The following ALG5 variants were observed in gnomAD, a reference collection of about 807,000 sequenced individuals.
ALG5 encodes the protein dolichyl-phosphate beta-glucosyltransferase.
ALG5 carries 26 observed loss-of-function variants against 51.8 expected under a neutral mutation model. The ratio of observed to expected loss-of-function variants is 0.50; its 90% CI spans 0.37 to 0.70. The LOEUF is 0.70. Among genes scored for constraint, ALG5 ranks in the 30% least tolerant of loss-of-function variants. The pLI, the probability that ALG5 is intolerant of heterozygous loss-of-function variation, is 0.00. For synonymous variants in ALG5, 141 were observed against 136.1 expected (o/e 1.04, Z -0.25); for missense variants, 311 against 399.3 (o/e 0.78, Z 1.88).
chr13:36,978,186 TTTG>T (rs2058962882), intron 6 of ALG5, among the ~76,000 whole-genome samples: 1 of 129,708 alleles, frequency 7.7e-6, no homozygotes, highest in Non-Finnish European at 1.8e-5. Flanking sequence ...GCGCCCCACC[TTTG>T]TTTTTTTTTT....
chr13:36,967,208 G>A (rs1593665430), intron 7 of ALG5, among the ~76,000 whole-genome samples: 1 of 148,112 alleles, frequency 6.8e-6, no homozygotes, highest in East Asian at 2.0e-4. Flanking sequence ...GGGTGACAGA[G>A]TGAGACTCCA....
chr13:36,961,453 T>G (rs1282497642), intron 8 of ALG5, among the ~76,000 whole-genome samples: 2 of 152,134 alleles, frequency 1.3e-5, no homozygotes, highest in Non-Finnish European at 2.9e-5. Context: ...AGCACTTACC[T>G]TGTATGAGGT....
chr13:36,993,776 A>G, intron 3 of ALG5, 104 bp from the exon 4 acceptor site: 1 of 871,100 alleles, frequency 1.1e-6, no homozygotes, highest in South Asian at 1.5e-5. Context: ...GTGTTGATAC[A>G]TATAAATTTG....
rs751548451 is a variant in ALG5 at position 36,971,982 on chromosome 13, C to A, written c.616G>T (p.Ala206Ser). 6.2e-7 allele frequency: 1 copy of A among 1,604,572 alleles called. No individual in the cohort carries two copies. The highest frequency in any genetic ancestry group is 2.2e-5 in the East Asian group (1 of 44,534). Residue 206 changes from alanine (A) to serine (S), a missense_variant, in exon 7 of 10, where the codon GCT becomes TCT. Ala to Ser is a moderately conservative substitution (Grantham distance 99). Coordinates refer to ENST00000239891, the MANE Select transcript of ALG5 (RefSeq NM_013338.5). ...SRAHLEKESI[A>S]QRSYFRTLLM... ...GCCAATTAATGAAGTCTCACCTGAG[C>A]AATTGATTCTTTTTCTAAATGAGCT...
chr13:36,990,190 C>G (rs555002053), intron 4 of ALG5, among the ~76,000 whole-genome samples: 5 of 152,222 alleles, frequency 3.3e-5, no homozygotes, highest in Non-Finnish European at 7.3e-5. Context: ...CAAGCTACGG[C>G]CATTACTCTG....
At chr13:36,957,697 C>T (rs113082302) in intron 8 of ALG5, among the ~76,000 whole-genome samples, 13,583 of 152,160 alleles carry the variant, frequency 0.089, 1,528 homozygotes, top group African/African-American at 0.27. Flanking sequence ...ATATGAAATG[C>T]TGTATAGACA....
intron 8 of ALG5, among the ~76,000 whole-genome samples, chr13:36,962,430 C>A (rs2058871860): frequency 6.6e-6 from 1 of 152,092 alleles, no homozygotes. Context: ...ACATAATGTA[C>A]CCTAAAGAAA....
intron 8 of ALG5, 32 bp downstream of exon 8, chr13:36,965,543 A>G: frequency 6.2e-7 from 1 of 1,600,832 alleles, no homozygotes; most frequent in Non-Finnish European, 8.5e-7. Context: ...GGGTCATAAG[A>G]CAGACTGGAT....
intron 4 of ALG5, among the ~76,000 whole-genome samples, chr13:36,990,237 T>C (rs984477716): frequency 6.6e-6 from 1 of 152,212 alleles, no homozygotes; most frequent in African/African-American, 2.4e-5. Context: ...GATCTATATT[T>C]GCCACCTGCA....
intron 6 of ALG5, among the ~76,000 whole-genome samples, chr13:36,974,587 A>G (rs1464028054): frequency 6.6e-6 from 1 of 151,996 alleles, no homozygotes; most frequent in Admixed American, 6.6e-5. Context: ...TATTGTTTTT[A>G]TACTTTTTAT....
chr13:36,997,878 C>T, intron 1 of ALG5, among the ~76,000 whole-genome samples: 1 of 152,004 alleles, frequency 6.6e-6, no homozygotes, highest in East Asian at 1.9e-4. Context: ...TGATTTCTTG[C>T]TCTGGCATTT....
At chr13:36,953,936 C>A (rs1450690585) in intron 8 of ALG5, among the ~76,000 whole-genome samples, 1 of 152,014 alleles carries the variant, frequency 6.6e-6, no homozygotes, top group Non-Finnish European at 1.5e-5. Context: ...TCTAATGATA[C>A]TTGATAACCT....
chr13:36,982,170 C>T (rs532424165), intron 6 of ALG5, among the ~76,000 whole-genome samples: 81 of 152,312 alleles, frequency 5.3e-4, no homozygotes, highest in Non-Finnish European at 9.1e-4. Flanking sequence ...ACATGGAAAA[C>T]AGCTTTGACT....
At chr13:36,971,799 A>G (rs2058925169) in intron 7 of ALG5, among the ~76,000 whole-genome samples, 178 bp downstream of exon 7, 1 of 152,044 alleles carries the variant, frequency 6.6e-6, no homozygotes, top group Non-Finnish European at 1.5e-5. Context: ...AAAAAAATCA[A>G]TTCTAAAATG....
At chr13:36,976,696 C>T (rs1490362426) in intron 6 of ALG5, among the ~76,000 whole-genome samples, 2 of 151,550 alleles carry the variant, frequency 1.3e-5, no homozygotes, top group Non-Finnish European at 2.9e-5. Context: ...TGCGGTGAGC[C>T]GAGATCGCAC....
intron 3 of ALG5, among the ~76,000 whole-genome samples, chr13:36,994,033 C>G (rs1266277548): frequency 6.6e-6 from 1 of 152,110 alleles, no homozygotes; most frequent in African/African-American, 2.4e-5. Context: ...GGGCAGATTC[C>G]AGCTTGGCTG....
At chr13:36,987,558 C>T (rs970038770) in intron 5 of ALG5, among the ~76,000 whole-genome samples, 6 of 152,184 alleles carry the variant, frequency 3.9e-5, no homozygotes, top group Non-Finnish European at 5.9e-5. Context: ...CCTGCTTCCA[C>T]TTCGCTTTCT....
intron 8 of ALG5, among the ~76,000 whole-genome samples, chr13:36,960,502 A>G (rs1252933805): frequency 6.6e-6 from 1 of 152,090 alleles, no homozygotes; most frequent in East Asian, 1.9e-4. Context: ...AGTTCATTTC[A>G]AAGAAAAAAA....
chr13:36,995,051 A>G lies in ALG5; in HGVS notation c.239-16T>C. On this transcript the variant is annotated splice_polypyrimidine_tract_variant and intron_variant, in intron 2 of 9. Transcript: ENST00000239891. ...ATCACAGGCACTTGAAGAAAAAAAT[A>G]TATTAAAAATCACTTTTGAAAATGA... 4 of 1,610,236 alleles carry G rather than the reference A, an allele frequency of 2.5e-6. No individual in the cohort carries two copies. Among genetic ancestry groups the G allele is most frequent in the Non-Finnish European group, 3.4e-6 (4 of 1,176,836 alleles).
Sources: allele counts gnomAD v4.1 joint callset (sites outside exome capture counted in the v4.1 genomes callset), GRCh38; gene constraint gnomAD v4.1.1; transcripts MANE v1.5; gene names NCBI Gene and HGNC (gene_info 2026-07-23, HGNC 2026-07-21).